ACSL3: variants seen among roughly 807,000 people sequenced by gnomAD.
ACSL3 encodes fatty acid CoA ligase Acsl3.
Under a neutral mutation model 84.7 loss-of-function variants are expected in ACSL3, and 34 were observed. That is an observed-to-expected ratio of 0.40 (90% CI 0.31 to 0.53). ACSL3 has a LOEUF of 0.53. Among genes scored for constraint, ACSL3 ranks in the 20% least tolerant of loss-of-function variants. ACSL3 has a pLI of 0.48. For synonymous variants in ACSL3, 315 were observed against 299.4 expected, an observed-to-expected ratio of 1.05 and a Z score of -0.54; for missense variants, 680 against 873.1, an observed-to-expected ratio of 0.78 and a Z score of 2.79.
chr2:222,894,398 A>G lies in ACSL3; in HGVS notation c.-147-6276A>G, dbSNP rs190133730. Among the ~76,000 whole-genome samples, 14 of 152,364 alleles carry G rather than the reference A, an allele frequency of 9.2e-5. No individual in the cohort carries two copies. In the South Asian group the frequency reaches 1.5e-3, roughly 16 times the overall value. On this transcript the variant is annotated intron_variant, in intron 2 of 16. Transcript: ENST00000357430. The stretch of plus-strand genomic sequence containing the variant: ...AAGATGTAAATAACTCTTTGATCTA[A>G]TGCAACTGACCATTGGCATAGAACA...
chr2:222,903,860 T>A (rs1696220871), intron 3 of ACSL3, among the ~76,000 whole-genome samples: 1 of 152,168 alleles, frequency 6.6e-6, no homozygotes, highest in Non-Finnish European at 1.5e-5. Flanking sequence ...CAGGTCAATA[T>A]GACTATTTTA....
At chr2:222,875,878 T>G (rs1441947124) in intron 1 of ACSL3, among the ~76,000 whole-genome samples, 2 of 152,248 alleles carry the variant, frequency 1.3e-5, no homozygotes, top group African/African-American at 2.4e-5. Context: ...TTTAAAATTT[T>G]ATTCATAAAA....
chr2:222,942,671 A>C lies in ACSL3; in HGVS notation c.*1017A>C, dbSNP rs1411976827. 1 of 208,392 alleles carries C rather than the reference A, an allele frequency of 4.8e-6. No homozygotes were observed. Among genetic ancestry groups the C allele is most frequent in the East Asian group, 7.4e-5 (1 of 13,460 alleles). The allele number at this position is 208,392 out of a possible 1,614,324, so 12.9% of individuals were successfully genotyped here. A position where few individuals can be genotyped will look rare whatever the true frequency, so the allele number is the denominator to read the frequency against. ...AAAATTAGTGTTTTTCCTAGTTTGC[A>C]CTGATGCGTGTATGGATGTGTGTGA... On this transcript the variant is annotated 3_prime_UTR_variant, in exon 17 of 17. Transcript: ENST00000357430.
chr2:222,872,156 C>T (rs1056419259), intron 1 of ACSL3, among the ~76,000 whole-genome samples: 2 of 152,098 alleles, frequency 1.3e-5, no homozygotes, highest in Non-Finnish European at 2.9e-5. Flanking sequence ...CGGAGTTTCG[C>T]TCTTGTTGCT....
chr2:222,863,903 A>G (rs1695074572), intron 1 of ACSL3, among the ~76,000 whole-genome samples: 1 of 152,246 alleles, frequency 6.6e-6, no homozygotes, highest in East Asian at 1.9e-4. Flanking sequence ...CATAAATAAA[A>G]AAGATGAACT....
chr2:222,865,794 CTGTGTGTGTGTG>C (rs3219912), intron 1 of ACSL3, among the ~76,000 whole-genome samples: 2 of 150,008 alleles, frequency 1.3e-5, no homozygotes, highest in Non-Finnish European at 3.0e-5. Context: ...TTTGGATCCT[CTGTGTGTGTGTG>C]TGTGTGTGTG....
intron 7 of ACSL3, 116 bp from the exon 8 acceptor site, chr2:222,921,164 T>C (rs1441520410): frequency 2.2e-5 from 26 of 1,157,120 alleles, no homozygotes; most frequent in Non-Finnish European, 5.1e-6. Context: ...ATTTGTTGAA[T>C]TGAGTTAAAT....
At chr2:222,892,393 C>A (rs1340697718) in intron 2 of ACSL3, among the ~76,000 whole-genome samples, 129 of 152,128 alleles carry the variant, frequency 8.5e-4, no homozygotes, top group Non-Finnish European at 1.2e-4. Flanking sequence ...GAGAAGCAAA[C>A]ATGTTTGTGA....
intron 1 of ACSL3, among the ~76,000 whole-genome samples, chr2:222,870,751 G>A (rs890359604): frequency 2.6e-5 from 4 of 152,224 alleles, no homozygotes; most frequent in Non-Finnish European, 4.4e-5. Flanking sequence ...TGTAGTGTGC[G>A]AAGTAGAGAG....
chr2:222,932,389 C>T (rs1697055693), intron 14 of ACSL3, among the ~76,000 whole-genome samples: 2 of 152,176 alleles, frequency 1.3e-5, no homozygotes, highest in African/African-American at 4.8e-5. Context: ...AGTGCAGTGG[C>T]ACCATCTCAG....
At chr2:222,929,483 G>A (rs777399876) in intron 13 of ACSL3, among the ~76,000 whole-genome samples, 1 of 151,326 alleles carries the variant, frequency 6.6e-6, no homozygotes, top group African/African-American at 2.4e-5. Context: ...TCTACATTAA[G>A]TAAAGATAAA....
At chr2:222,879,377 A>C (rs979417866) in intron 1 of ACSL3, among the ~76,000 whole-genome samples, 2 of 151,914 alleles carry the variant, frequency 1.3e-5, no homozygotes, top group Non-Finnish European at 2.9e-5. Context: ...AACCGATCTC[A>C]TGCTATCTAC....
chr2:222,867,659 A>G (rs978980388), intron 1 of ACSL3, among the ~76,000 whole-genome samples: 1 of 152,186 alleles, frequency 6.6e-6, no homozygotes, highest in Non-Finnish European at 1.5e-5. Flanking sequence ...AAGTTAGTAC[A>G]TTTTAGGTCT....
intron 16 of ACSL3, among the ~76,000 whole-genome samples, chr2:222,940,336 C>A (rs985535776): frequency 1.3e-5 from 2 of 152,138 alleles, no homozygotes; most frequent in Non-Finnish European, 2.9e-5. Flanking sequence ...AACAAATAGG[C>A]ATAAAGGAAA....
intron 4 of ACSL3, among the ~76,000 whole-genome samples, chr2:222,914,882 A>C (rs1402257546): frequency 6.6e-6 from 1 of 152,240 alleles, no homozygotes; most frequent in Non-Finnish European, 1.5e-5. Flanking sequence ...TAAAGAATTA[A>C]AATCATGAGA....
At chr2:222,881,122 T>C (rs886637120) in intron 1 of ACSL3, among the ~76,000 whole-genome samples, 13 of 152,264 alleles carry the variant, frequency 8.5e-5, no homozygotes, top group Non-Finnish European at 1.2e-4. Context: ...AGGCAATTGA[T>C]TTCATTACAT....
chr2:222,927,179 A>C lies in ACSL3; in HGVS notation c.1455A>C (p.Thr485=). The C allele has an allele frequency of 6.2e-7, 1 of 1,613,244 alleles. No individual in the cohort carries two copies. Among genetic ancestry groups the C allele is most frequent in the South Asian group, 1.1e-5 (1 of 91,046 alleles). Residue 485 remains threonine (T), a synonymous_variant, in exon 12 of 17, where the codon ACA becomes ACC. Transcript: ENST00000357430. ...TCACTGAATCTGCTGGGGCTGGAAC[A>C]ATTTCCGAAGGTAGTGTTCTCCATG... The part of the protein sequence containing the change: ...YGLTESAGAG[T]ISEVWDYNTG...
chr2:222,943,401 A>G lies in ACSL3; in HGVS notation c.*1747A>G, dbSNP rs1046459753. ...AAAAATTAAATCTCAGTGGGCGGAGAGAATTTGTTTCTGATGCCTTGTCTT... is the reference window on the plus strand; with the variant it reads ...AAAAATTAAATCTCAGTGGGCGGAGGGAATTTGTTTCTGATGCCTTGTCTT... On this transcript the variant is annotated 3_prime_UTR_variant, in exon 17 of 17. Coordinates refer to ENST00000357430, the MANE Select transcript of ACSL3 (RefSeq NM_004457.5). The G allele has an allele frequency of 1.1e-5, 2 of 181,418 alleles. No homozygotes were observed. Among genetic ancestry groups the G allele is most frequent in the African/African-American group, 4.7e-5 (2 of 42,408 alleles). The allele number at this position is 181,418 out of a possible 1,614,324, so 11.2% of individuals were successfully genotyped here.
intron 16 of ACSL3, among the ~76,000 whole-genome samples, chr2:222,937,350 T>C (rs1003357865): frequency 1.3e-5 from 2 of 152,184 alleles, no homozygotes; most frequent in African/African-American, 4.8e-5. Context: ...TTCCTACATA[T>C]AACTTTTCTT....
Sources: allele counts gnomAD v4.1 joint callset (sites outside exome capture counted in the v4.1 genomes callset), GRCh38; gene constraint gnomAD v4.1.1; transcripts MANE v1.5; gene names NCBI Gene and HGNC (gene_info 2026-07-23, HGNC 2026-07-21).